The following FAM20C variants were observed in gnomAD, a reference collection of about 807,000 sequenced individuals.
FAM20C encodes the protein FAM20C golgi associated secretory pathway kinase.
A neutral mutation model predicts 51.5 loss-of-function variants in FAM20C; 40 were observed. The observed-to-expected ratio is 0.78, with a 90% CI of 0.60 to 1.01. The LOEUF (loss-of-function observed/expected upper bound fraction) is 1.01. Among genes scored for constraint, FAM20C ranks in the 50% least tolerant of loss-of-function variants. The pLI, the probability that FAM20C is intolerant of heterozygous loss-of-function variation, is 0.00. For synonymous variants in FAM20C, 406 were observed against 380.6 expected, an observed-to-expected ratio of 1.07 and a Z score of -0.78; for missense variants, 861 against 844.7, an observed-to-expected ratio of 1.02 and a Z score of -0.24.
At position 259,582 on chromosome 7, in the gene FAM20C, CTCTG is replaced by C. The variant is rs768184238; in HGVS notation, c.1506-145_1506-142del. 7.7e-4 allele frequency: 772 copies of C among 1,004,578 alleles called. 4 individuals are homozygous for C. The highest frequency in any genetic ancestry group is 9.6e-4 in the Non-Finnish European group (709 of 736,534). The allele number at this position is 1,004,578 out of a possible 1,614,324, so 62.2% of individuals were successfully genotyped here. ...TGTGTCTCTCTTTCTCTGTGTATGTCTCTGTCTTTTTCTCTCTGTCTCTGTCCCC... is the reference window on the plus strand; with the variant it reads ...TGTGTCTCTCTTTCTCTGTGTATGTCTCTTTTTCTCTCTGTCTCTGTCCCC... On this transcript the variant is annotated intron_variant, in intron 9 of 9. Coordinates refer to ENST00000313766, the MANE Select transcript of FAM20C (RefSeq NM_020223.4).
intron 3 of FAM20C, among the ~76,000 whole-genome samples, chr7:237,003 C>A (rs1273810281): frequency 1.3e-5 from 2 of 152,140 alleles, no homozygotes; most frequent in Non-Finnish European, 2.9e-5. Context: ...CTGGACTGTT[C>A]TAGGAAAAGG....
Position 193,548 on chromosome 7 carries a change from G to A in FAM20C, c.349G>A (p.Ala117Thr). Residue 117 changes from alanine (A) to threonine (T), a missense_variant, in exon 1 of 10, where the codon GCC becomes ACC. Physicochemically the swap from Ala to Thr is moderately conservative, Grantham distance 58. This residue lies in a region of FAM20C where 561 missense variants were observed against 499.8 expected (regional missense o/e 1.12). Transcript: ENST00000313766. ...GAAACTGCCGCCCGCGGCCGAGCCG[G>A]CCGAGCGCGCCTTGCGGGGGCGGGA... Reference protein sequence around the residue: ...LEKLPPAAEPAERALRGRDPG... With the variant: ...LEKLPPAAEPTERALRGRDPG... The A allele has an allele frequency of 2.0e-6, 3 of 1,494,868 alleles. No individual in the cohort carries two copies. The Admixed American group carries it at 6.6e-5, about 33-fold the overall frequency. The allele number at this position is 1,494,868 out of a possible 1,614,324, so 92.6% of individuals were successfully genotyped here.
intron 3 of FAM20C, among the ~76,000 whole-genome samples, chr7:213,480 C>T (rs980229402): frequency 5.9e-5 from 9 of 152,248 alleles, no homozygotes; most frequent in Non-Finnish European, 8.8e-5. Context: ...GTGGTTCCAA[C>T]GCTCATCGGT....
chr7:205,473 C>T (rs961251637), intron 2 of FAM20C, among the ~76,000 whole-genome samples: 5 of 152,186 alleles, frequency 3.3e-5, no homozygotes, highest in Admixed American at 6.5e-5. Context: ...CACTCGGCCT[C>T]GAGCAAGCCT....
chr7:219,120 A>C (rs1787135242), intron 3 of FAM20C, among the ~76,000 whole-genome samples: 1 of 151,990 alleles, frequency 6.6e-6, no homozygotes, highest in South Asian at 2.1e-4. Flanking sequence ...GTTTGGAGGC[A>C]CGGTTGCCTT....
chr7:194,006 G>C, intron 1 of FAM20C: 4 of 835,282 alleles, frequency 4.8e-6, no homozygotes, highest in Non-Finnish European at 6.7e-6. Flanking sequence ...CTGCCGGCTG[G>C]TCCGGGAGCT....
At chr7:218,828 G>A (rs1787120244) in intron 3 of FAM20C, among the ~76,000 whole-genome samples, 1 of 146,924 alleles carries the variant, frequency 6.8e-6, no homozygotes, top group Non-Finnish European at 1.5e-5. Flanking sequence ...GATCACTCCG[G>A]TCCGGCCGGG....
chr7:211,389 A>C (rs1583294242), intron 3 of FAM20C, among the ~76,000 whole-genome samples: 2 of 44,692 alleles, frequency 4.5e-5, no homozygotes, highest in Admixed American at 2.4e-4. Context: ...GCCTGCCCCC[A>C]ACCTTCCACC....
intron 7 of FAM20C, 79 bp from the exon 8 acceptor site, chr7:256,926 G>A (rs1011537176): frequency 1.4e-4 from 205 of 1,479,022 alleles, no homozygotes; most frequent in Non-Finnish European, 1.8e-4. Context: ...AGGAGACGCC[G>A]CTCTGCAGAG....
At chr7:237,000 G>A (rs890784146) in intron 3 of FAM20C, among the ~76,000 whole-genome samples, 43 of 152,242 alleles carry the variant, frequency 2.8e-4, no homozygotes, top group Non-Finnish European at 1.6e-4. Context: ...TTCCTGGACT[G>A]TTCTAGGAAA....
chr7:225,920 G>T (rs1213410207), intron 3 of FAM20C, among the ~76,000 whole-genome samples: 1 of 87,204 alleles, frequency 1.1e-5, no homozygotes, highest in African/African-American at 4.6e-5. Flanking sequence ...CCGTCACGGG[G>T]TCGCACGGCG....
At chr7:205,016 G>C (rs543997742) in intron 2 of FAM20C, among the ~76,000 whole-genome samples, 1 of 152,252 alleles carries the variant, frequency 6.6e-6, no homozygotes, top group Non-Finnish European at 1.5e-5. Flanking sequence ...TAGTCCTAAG[G>C]GTGGTCCTGG....
chr7:212,767 G>A (rs148376354), intron 3 of FAM20C, among the ~76,000 whole-genome samples: 19 of 152,300 alleles, frequency 1.2e-4, no homozygotes, highest in Non-Finnish European at 1.3e-4. Context: ...TTAGGGTTAC[G>A]TTAAGATATT....
intron 3 of FAM20C, among the ~76,000 whole-genome samples, chr7:212,047 T>C (rs556553008): frequency 1.3e-5 from 2 of 152,314 alleles, no homozygotes; most frequent in South Asian, 4.1e-4. Context: ...TGATGACCTA[T>C]GGGGGCTGTG....
chr7:254,152 C>T (rs865833158), intron 5 of FAM20C, among the ~76,000 whole-genome samples: 1 of 152,102 alleles, frequency 6.6e-6, no homozygotes, highest in African/African-American at 2.4e-5. Flanking sequence ...GTGGTGGGGG[C>T]CAGGTCGGCC....
At chr7:231,406 G>A (rs897599006) in intron 3 of FAM20C, among the ~76,000 whole-genome samples, 1 of 152,038 alleles carries the variant, frequency 6.6e-6, no homozygotes, top group South Asian at 2.1e-4. Flanking sequence ...TCCCGGCGTC[G>A]AGGGCCGCGT....
rs866506279 is a variant in FAM20C at position 192,587 on chromosome 7, C to A, written c.-613C>A. ...CGGGGCGCCGAGAGGCTCGGCCAGG[C>A]GGGAGCTGCGCTCGGGGCGGCCGCT... On this transcript the variant is annotated 5_prime_UTR_variant, in exon 1 of 10. Transcript: ENST00000313766. 1.1e-3 allele frequency among the ~76,000 whole-genome samples: 160 copies of A among 150,914 alleles called. No homozygotes were observed. Among genetic ancestry groups the A allele is most frequent in the African/African-American group, 2.8e-3 (117 of 41,384 alleles).
chr7:204,709 A>AG (rs1211132159), intron 2 of FAM20C, among the ~76,000 whole-genome samples: 1 of 151,694 alleles, frequency 6.6e-6, no homozygotes, highest in Non-Finnish European at 1.5e-5. Flanking sequence ...GTGTTCAGGG[A>AG]GGGGAAGTGG....
chr7:198,647 C>T lies in FAM20C; in HGVS notation c.784+2915C>T, dbSNP rs186147002. ...ACGTGTGCCTTTGTCATCGAAATAC[C>T]TGCAGTTCCCAAATACATCTGGCCT... On this transcript the variant is annotated intron_variant, in intron 2 of 9. Transcript: ENST00000313766. Among the ~76,000 whole-genome samples the T allele has an allele frequency of 6.3e-4, 96 of 152,314 alleles. No homozygotes were observed. The East Asian group carries it at 8.1e-3, about 13-fold the overall frequency.
Sources: allele counts gnomAD v4.1 joint callset (sites outside exome capture counted in the v4.1 genomes callset), GRCh38; gene constraint gnomAD v4.1.1; regional missense constraint gnomAD v4.1.1; transcripts MANE v1.5; gene names NCBI Gene and HGNC (gene_info 2026-07-23, HGNC 2026-07-21).